The following SH3BP1 variants were observed in gnomAD, a reference collection of about 807,000 sequenced individuals.
SH3BP1 encodes SH3 domain binding protein 1.
Under a neutral mutation model 69.8 loss-of-function variants are expected in SH3BP1, and 46 were observed. The ratio of observed to expected loss-of-function variants is 0.66; its 90% confidence interval spans 0.52 to 0.84. SH3BP1 has a LOEUF of 0.84. SH3BP1 is among the 40% of genes least tolerant of loss of function. The pLI is 0.00. For missense variants in SH3BP1, 868 were observed against 930.9 expected (o/e 0.93, Z 0.88); for synonymous variants, 403 against 378.0 (o/e 1.07, Z -0.77).
At chr22:37,640,758 G>T (rs1396328785) in intron 1 of SH3BP1, 2 of 290,736 alleles carry the variant, frequency 6.9e-6, no homozygotes, top group Non-Finnish European at 1.3e-5. Context: ...CGTTCTTGGG[G>T]CCAGCTAATA....
intron 16 of SH3BP1, among the ~76,000 whole-genome samples, chr22:37,653,145 C>CA (rs927322861): frequency 9.8e-5 from 14 of 142,884 alleles, no homozygotes; most frequent in African/African-American, 2.1e-4. Context: ...ACAACAATAA[C>CA]AAAAAAAAAC....
At chr22:37,652,189 A>G (rs1426834766) in intron 16 of SH3BP1, among the ~76,000 whole-genome samples, 2 of 152,088 alleles carry the variant, frequency 1.3e-5, no homozygotes, top group African/African-American at 4.8e-5. Context: ...GGGCGCCTGT[A>G]GTCCCAGCTA....
chr22:37,649,505 C>CG (rs1932839689), intron 14 of SH3BP1, among the ~76,000 whole-genome samples: 1 of 150,528 alleles, frequency 6.6e-6, no homozygotes, highest in Non-Finnish European at 1.5e-5. Flanking sequence ...AGAAATAGGC[C>CG]GGGGGCAGCG....
chr22:37,655,664 C>T lies in SH3BP1; in HGVS notation c.2086C>T (p.Leu696Phe), dbSNP rs1280177881. 12 of 1,513,460 alleles carry T rather than the reference C, an allele frequency of 7.9e-6. No homozygotes were observed. The highest frequency in any genetic ancestry group is 1.1e-5 in the Non-Finnish European group (12 of 1,133,028). The allele number at this position is 1,513,460 out of a possible 1,614,324, so 93.8% of individuals were successfully genotyped here. The change falls in exon 18 of 18, where the codon CTT (leucine) becomes TTT (phenylalanine). Residue 696 changes from leucine to phenylalanine, a missense_variant. Physicochemically the swap from Leu to Phe is conservative, Grantham distance 22. Transcript: ENST00000649765. ...AIPPQPRPRS[L>F]ASETN ...CCCCCCTCAGCCCCGCCCCAGGAGC[C>T]TTGCCTCAGAGACCAACTGAGTGGC...
intron 15 of SH3BP1, 138 bp from the exon 16 acceptor site, chr22:37,650,401 GGGT>G (rs1217026693): frequency 1.3e-6 from 2 of 1,490,036 alleles, no homozygotes; most frequent in Non-Finnish European, 9.0e-7. Flanking sequence ...CTGCTTTGTG[GGGT>G]GGTGGTGAGG....
At chr22:37,640,654 C>G (rs1003782352) in intron 1 of SH3BP1, 2 of 176,864 alleles carry the variant, frequency 1.1e-5, no homozygotes, top group Non-Finnish European at 2.4e-5. Flanking sequence ...CCATGTGTCC[C>G]CAGGTGGGGG....
At chr22:37,654,916 C>T (rs1294283806) in intron 17 of SH3BP1, among the ~76,000 whole-genome samples, 2 of 152,192 alleles carry the variant, frequency 1.3e-5, no homozygotes, top group Non-Finnish European at 2.9e-5. Context: ...TCAAGACCAG[C>T]CTGGACAACA....
At position 37,647,789 on chromosome 22, in the gene SH3BP1, C is replaced by T. The variant is rs145866380; in HGVS notation, c.1199+268C>T. 3.1e-3 allele frequency among the ~76,000 whole-genome samples: 466 copies of T among 152,114 alleles called. 3 individuals carry two copies. Among genetic ancestry groups the T allele is most frequent in the African/African-American group, 0.011 (448 of 41,480 alleles). On this transcript the variant is annotated intron_variant, in intron 13 of 17. Transcript: ENST00000649765. The stretch of plus-strand genomic sequence containing the variant: ...CTCCTGGGTTCAAGCAGTTCTCCTG[C>T]CTCAGCCTCCCGAGTAGCTAGGACT...
At chr22:37,644,757 G>C (rs769407379) in intron 8 of SH3BP1, 52 bp downstream of exon 8, 8 of 1,609,970 alleles carry the variant, frequency 5.0e-6, no homozygotes, top group Non-Finnish European at 6.8e-6. Flanking sequence ...CTGAATGCCA[G>C]AGCCAGGGGC....
intron 11 of SH3BP1, 137 bp downstream of exon 11, chr22:37,647,066 CCAT>C: frequency 1.4e-6 from 1 of 720,666 alleles, no homozygotes; most frequent in South Asian, 1.9e-5. Flanking sequence ...AATGTGGGGT[CCAT>C]CATGAGCCCC....
At position 37,646,875 on chromosome 22, in the gene SH3BP1, G is replaced by A; in HGVS notation, c.982G>A (p.Ala328Thr). Reference protein sequence around the residue: ...SVLKRLKQTMASDPHSLEEFC... With the variant: ...SVLKRLKQTMTSDPHSLEEFC... ...GCTGAAGCGTCTCAAGCAGACAATGGCCTCGGACCCCCACAGCCTGGAGGA... is the reference window on the plus strand; with the variant it reads ...GCTGAAGCGTCTCAAGCAGACAATGACCTCGGACCCCCACAGCCTGGAGGA... The change falls in exon 11 of 18, where the codon GCC becomes ACC. Residue 328 changes from alanine to threonine, a missense_variant. Ala to Thr is a moderately conservative substitution (Grantham distance 58). Around this residue, in one of 3 missense-constraint regions of SH3BP1, gnomAD observed 387 missense variants for 447.9 expected, o/e 0.86. Transcript: ENST00000649765. 1 of 1,565,712 alleles carries A rather than the reference G, an allele frequency of 6.4e-7. No homozygotes were observed.
chr22:37,641,110 C>G lies in SH3BP1; in HGVS notation c.60-16C>G, dbSNP rs898394006. 2.4e-5 allele frequency: 34 copies of G among 1,422,238 alleles called. 1 individual carries two copies. Among genetic ancestry groups the G allele is most frequent in the African/African-American group, 8.8e-5 (6 of 68,476 alleles). The allele number at this position is 1,422,238 out of a possible 1,614,324, so 88.1% of individuals were successfully genotyped here. A position where few individuals can be genotyped will look rare whatever the true frequency, so the allele number is the denominator to read the frequency against. ...AGCAGAAGCACTCTCCCCCCCCCCCCCACCACTCCCCGCAGCACCCCGGAG... is the reference window on the plus strand; with the variant it reads ...AGCAGAAGCACTCTCCCCCCCCCCCGCACCACTCCCCGCAGCACCCCGGAG... On this transcript the variant is annotated splice_polypyrimidine_tract_variant and intron_variant, in intron 1 of 17. Coordinates refer to ENST00000649765, the MANE Select transcript of SH3BP1 (RefSeq NM_018957.6).
chr22:37,647,460 C>G lies in SH3BP1; in HGVS notation c.1138C>G (p.Arg380Gly), dbSNP rs1162875341. ...RAASLKEPGA[R>G]LQALQEVCSR... is the part of the protein sequence containing the mutation. ...CCCCAGCCTGAAGGAGCCAGGGGCC[C>G]GGCTGCAGGCCCTCCAAGAGGTGTG... Residue 380 changes from arginine (R) to glycine (G), a missense_variant, in exon 13 of 18, where the codon CGG becomes GGG. By Grantham distance (125) the Arg-to-Gly change is moderately radical (BLOSUM62 -2). Coordinates refer to ENST00000649765, the MANE Select transcript of SH3BP1 (RefSeq NM_018957.6). The G allele has an allele frequency of 3.1e-6, 5 of 1,611,212 alleles. No individual in the cohort carries two copies. Among genetic ancestry groups the G allele is most frequent in the Non-Finnish European group, 4.2e-6 (5 of 1,179,514 alleles).
chr22:37,650,394 C>G, intron 15 of SH3BP1, 145 bp downstream of exon 15: 1 of 1,491,274 alleles, frequency 6.7e-7, no homozygotes, highest in Non-Finnish European at 9.0e-7. Flanking sequence ...GGTCTGCCTG[C>G]TTTGTGGGGT....
intron 8 of SH3BP1, 61 bp from the exon 9 acceptor site, chr22:37,644,809 G>T (rs1932753503): frequency 6.2e-7 from 1 of 1,605,162 alleles, no homozygotes; most frequent in Non-Finnish European, 8.5e-7. Context: ...CTGCTCTCAA[G>T]GACCCTATAG....
chr22:37,655,447 A>AC lies in SH3BP1; in HGVS notation c.1875dup (p.Thr626HisfsTer34). 1 of 425,482 alleles carries AC rather than the reference A, an allele frequency of 2.4e-6. No individual in the cohort carries two copies. The highest frequency in any genetic ancestry group is 3.4e-6 in the Non-Finnish European group (1 of 292,200). 26.4% of individuals were successfully genotyped at this position (425,482 alleles called of 1,614,324 possible). A position where few individuals can be genotyped will look rare whatever the true frequency, so the allele number is the denominator to read the frequency against. ...GAGCCCCCACAGTGCCACCCCCGTTACCCCCCACACCCCCTCAGCCTGCCC... is the reference window on the plus strand; with the variant it reads ...GAGCCCCCACAGTGCCACCCCCGTTACCCCCCCACACCCCCTCAGCCTGCCC... On this transcript the variant is annotated frameshift_variant, in exon 18 of 18. Transcript: ENST00000649765. LOFTEE classifies it low-confidence loss of function (END_TRUNC).
intron 11 of SH3BP1, 53 bp downstream of exon 11, chr22:37,646,982 G>A (rs1932796749): frequency 8.5e-7 from 1 of 1,181,940 alleles, no homozygotes; most frequent in Non-Finnish European, 1.2e-6. Flanking sequence ...GGGGTGCAGT[G>A]GCTTGAAACG....
At chr22:37,641,047 G>A in intron 1 of SH3BP1, 79 bp from the exon 2 acceptor site, 1 of 977,434 alleles carries the variant, frequency 1.0e-6, no homozygotes, top group South Asian at 1.4e-5. Flanking sequence ...CCTGCTGCGG[G>A]GAAGGGAAGT....
chr22:37,649,191 A>C (rs1223237143), intron 14 of SH3BP1, among the ~76,000 whole-genome samples: 1 of 152,148 alleles, frequency 6.6e-6, no homozygotes, highest in Non-Finnish European at 1.5e-5. Context: ...AAAATGTTTT[A>C]GAAACTGTGA....
Sources: allele counts gnomAD v4.1 joint callset (sites outside exome capture counted in the v4.1 genomes callset), GRCh38; gene constraint gnomAD v4.1.1; regional missense constraint gnomAD v4.1.1; transcripts MANE v1.5; gene names NCBI Gene and HGNC (gene_info 2026-07-23, HGNC 2026-07-21).